The following MGLL variants were observed in gnomAD, a reference collection of about 807,000 sequenced individuals.
MGLL encodes monoglyceride lipase, also known as lysophospholipase homolog.
MGLL carries 7 observed loss-of-function variants against 29.1 expected under a neutral mutation model. That is an observed-to-expected ratio of 0.24 (90% CI 0.14 to 0.45). The LOEUF (loss-of-function observed/expected upper bound fraction) is 0.45, where lower values mean the gene tolerates loss of function less well. Ranked by LOEUF, MGLL falls within the 20% of genes least tolerant of loss-of-function variation. The pLI, the probability that MGLL is intolerant of heterozygous loss-of-function variation, is 0.99. For synonymous variants in MGLL, 148 were observed against 168.3 expected (o/e 0.88, Z 0.93); for missense variants, 356 against 413.6 (o/e 0.86, Z 1.21).
At chr3:127,754,979 G>T (rs2076632894) in intron 3 of MGLL, among the ~76,000 whole-genome samples, 1 of 152,138 alleles carries the variant, frequency 6.6e-6, no homozygotes. Flanking sequence ...TTGTGTGGGA[G>T]GAACGCGGGT....
chr3:127,803,068 C>T (rs528177055), intron 2 of MGLL, among the ~76,000 whole-genome samples: 1 of 152,272 alleles, frequency 6.6e-6, no homozygotes, highest in Non-Finnish European at 1.5e-5. Context: ...CAACCTCCGC[C>T]TCCTGGGTTC....
chr3:127,718,676 T>A (rs141359646), intron 5 of MGLL, among the ~76,000 whole-genome samples: 3 of 152,194 alleles, frequency 2.0e-5, no homozygotes, highest in African/African-American at 7.2e-5. Flanking sequence ...CTCCCATTTG[T>A]GTGAAAAAGA....
chr3:127,742,589 CAAAA>C (rs60743176), intron 3 of MGLL, among the ~76,000 whole-genome samples: 6 of 70,492 alleles, frequency 8.5e-5, no homozygotes, highest in East Asian at 5.1e-4. Flanking sequence ...GACTCCGTCC[CAAAA>C]AAAAAAAAAA....
At chr3:127,741,077 A>G (rs2076331684) in intron 3 of MGLL, among the ~76,000 whole-genome samples, 1 of 152,152 alleles carries the variant, frequency 6.6e-6, no homozygotes, top group Non-Finnish European at 1.5e-5. Flanking sequence ...ACCAGTGACA[A>G]CCTCTCTGTG....
chr3:127,715,070 G>T (rs1250248483), intron 5 of MGLL, among the ~76,000 whole-genome samples: 1 of 152,228 alleles, frequency 6.6e-6, no homozygotes, highest in African/African-American at 2.4e-5. Flanking sequence ...TGTGCGTGGT[G>T]AAGTCTCAGG....
chr3:127,800,812 T>A (rs916727020), intron 2 of MGLL, among the ~76,000 whole-genome samples: 1 of 152,228 alleles, frequency 6.6e-6, no homozygotes, highest in African/African-American at 2.4e-5. Flanking sequence ...TCAGAGCATG[T>A]GCTTCACCCC....
Position 127,692,096 on chromosome 3 carries a change from T to G in MGLL, c.*102A>C. ...GCTAAGGATTTCTCCAATTTCTGAT[T>G]TTTTTTTTTTTTTTTTTTTGGCAAG... On this transcript the variant is annotated 3_prime_UTR_variant, in exon 8 of 8. Coordinates refer to ENST00000265052, the MANE Select transcript of MGLL (RefSeq NM_007283.7). 1 of 555,184 alleles carries G rather than the reference T, an allele frequency of 1.8e-6. No individual in the cohort carries two copies. 34.4% of individuals were successfully genotyped at this position (555,184 alleles called of 1,614,324 possible).
At chr3:127,708,170 T>C in intron 6 of MGLL, among the ~76,000 whole-genome samples, 1 of 152,338 alleles carries the variant, frequency 6.6e-6, no homozygotes, top group South Asian at 2.1e-4. Flanking sequence ...GTTAGATGCC[T>C]TTCCCAACAC....
At chr3:127,742,577 G>A (rs571820713) in intron 3 of MGLL, among the ~76,000 whole-genome samples, 4 of 118,294 alleles carry the variant, frequency 3.4e-5, no homozygotes, top group South Asian at 3.0e-4. Flanking sequence ...GAGACAGAGC[G>A]AGACTCCGTC....
At chr3:127,709,698 G>A (rs1335915045) in intron 6 of MGLL, among the ~76,000 whole-genome samples, 3 of 152,196 alleles carry the variant, frequency 2.0e-5, no homozygotes, top group African/African-American at 4.8e-5. Context: ...GGGCAACTGA[G>A]GCAGAAGAGT....
chr3:127,770,137 C>A (rs1053542296), intron 3 of MGLL, among the ~76,000 whole-genome samples: 3 of 152,168 alleles, frequency 2.0e-5, no homozygotes, highest in Non-Finnish European at 4.4e-5. Context: ...ATCTTTCCAC[C>A]TCAGCCTCCC....
intron 2 of MGLL, among the ~76,000 whole-genome samples, chr3:127,793,656 G>T (rs1332379783): frequency 2.6e-5 from 4 of 152,156 alleles, no homozygotes; most frequent in Admixed American, 2.0e-4. Context: ...CCGCCTCCCG[G>T]GTTGAAGTGA....
chr3:127,753,419 G>A (rs774127402), intron 3 of MGLL, among the ~76,000 whole-genome samples: 3 of 152,224 alleles, frequency 2.0e-5, no homozygotes, highest in Admixed American at 6.5e-5. Flanking sequence ...GCTTAGGTGT[G>A]AGGCCATCTG....
chr3:127,727,723 A>AAG (rs1559927762), intron 3 of MGLL, among the ~76,000 whole-genome samples: 1 of 151,722 alleles, frequency 6.6e-6, no homozygotes, highest in Non-Finnish European at 1.5e-5. Flanking sequence ...AAAAAAAAAA[A>AAG]AAAAAACAGA....
rs1315855179 is a variant in MGLL, at chr3:127,769,852, T to TG, written c.262+11936dup. ...CACCCCCGAAGCCCCGTCAGAGTGC[T>TG]GGGGGGTCTGTCCTGAGGATGGAGC... On this transcript the variant is annotated intron_variant, in intron 3 of 7. Transcript: ENST00000265052. Among the ~76,000 whole-genome samples the TG allele has an allele frequency of 3.3e-5, 5 of 152,230 alleles. No homozygotes were observed. In the East Asian group the frequency reaches 7.7e-4, roughly 24 times the overall value.
chr3:127,747,009 C>T (rs1030693765), intron 3 of MGLL, among the ~76,000 whole-genome samples: 2 of 152,200 alleles, frequency 1.3e-5, no homozygotes, highest in African/African-American at 2.4e-5. Flanking sequence ...GCTGATGGAG[C>T]CACCTGAGGT....
intron 3 of MGLL, among the ~76,000 whole-genome samples, chr3:127,734,154 C>T (rs181668731): frequency 7.2e-4 from 109 of 152,352 alleles, no homozygotes; most frequent in East Asian, 5.0e-3. Context: ...CTTGATGCAG[C>T]GCTGCTTTCC....
In MGLL at chr3:127,754,197, C is replaced by G. The variant is rs139323467; in HGVS notation, c.262+27592G>C. On this transcript the variant is annotated intron_variant, in intron 3 of 7. Transcript: ENST00000265052. ...GGGCAGGGGCTTCCCTCTGTGAACTCAGAGGTCACGACCCGCCAGGCACTG... is the reference window on the plus strand; with the variant it reads ...GGGCAGGGGCTTCCCTCTGTGAACTGAGAGGTCACGACCCGCCAGGCACTG... Among the ~76,000 whole-genome samples the G allele has an allele frequency of 5.3e-3, 809 of 152,314 alleles. 13 individuals are homozygous for G. The highest frequency in any genetic ancestry group is 0.018 in the African/African-American group (768 of 41,568).
At chr3:127,785,664 T>C (rs1167177249) in intron 2 of MGLL, among the ~76,000 whole-genome samples, 1 of 152,196 alleles carries the variant, frequency 6.6e-6, no homozygotes, top group Non-Finnish European at 1.5e-5. Context: ...CTCCTTGGCA[T>C]TGAAGTAGAA....
Sources: allele counts gnomAD v4.1 joint callset (sites outside exome capture counted in the v4.1 genomes callset), GRCh38; gene constraint gnomAD v4.1.1; transcripts MANE v1.5; gene names NCBI Gene and HGNC (gene_info 2026-07-23, HGNC 2026-07-21).